Variants in DOCK3 observed in about 807,000 individuals in gnomAD.
The protein encoded by DOCK3 is dedicator of cytokinesis 3.
A neutral mutation model predicts 265.6 loss-of-function variants in DOCK3; 60 were observed. The ratio of observed to expected loss-of-function variants is 0.23; its 90% CI spans 0.18 to 0.28. DOCK3 has a LOEUF of 0.28. Among genes scored for constraint, DOCK3 ranks in the 10% least tolerant of loss-of-function variants. The pLI is 1.00. For synonymous variants in DOCK3, 881 were observed against 938.0 expected, an observed-to-expected ratio of 0.94 and a Z score of 1.11; for missense variants, 1,981 against 2,594.3, an observed-to-expected ratio of 0.76 and a Z score of 5.14.
chr3:51,062,542 C>T (rs1260518663), intron 5 of DOCK3, among the ~76,000 whole-genome samples: 1 of 152,154 alleles, frequency 6.6e-6, no homozygotes, highest in Non-Finnish European at 1.5e-5. Flanking sequence ...GCCAGCCTAC[C>T]CTTGGCCACT....
At chr3:50,934,874 G>A (rs925640716) in intron 5 of DOCK3, among the ~76,000 whole-genome samples, 1 of 152,160 alleles carries the variant, frequency 6.6e-6, no homozygotes, top group Non-Finnish European at 1.5e-5. Flanking sequence ...TTGGGCTCTG[G>A]ACGATATGGA....
chr3:50,827,367 A>C (rs1245126220), intron 2 of DOCK3, among the ~76,000 whole-genome samples: 1 of 152,162 alleles, frequency 6.6e-6, no homozygotes, highest in Non-Finnish European at 1.5e-5. Flanking sequence ...GTAAGAGCAT[A>C]TTTCATGGTT....
At chr3:50,848,257 G>C (rs1257658193) in intron 3 of DOCK3, among the ~76,000 whole-genome samples, 1 of 152,168 alleles carries the variant, frequency 6.6e-6, no homozygotes, top group Non-Finnish European at 1.5e-5. Flanking sequence ...TGTTCAACTT[G>C]CTACTCTTTG....
intron 12 of DOCK3, 107 bp downstream of exon 12, chr3:51,160,809 G>C (rs2086088687): frequency 1.5e-6 from 2 of 1,356,302 alleles, no homozygotes; most frequent in Admixed American, 5.6e-5. Flanking sequence ...CCACGCAGTG[G>C]CTCACGCCTG....
At chr3:50,741,989 T>G (rs1559578603) in intron 1 of DOCK3, among the ~76,000 whole-genome samples, 1 of 152,194 alleles carries the variant, frequency 6.6e-6, no homozygotes, top group African/African-American at 2.4e-5. Context: ...AGATGGTATC[T>G]CATTGTGGTT....
At chr3:51,280,882 A>G (rs543039415) in intron 27 of DOCK3, among the ~76,000 whole-genome samples, 54 of 152,094 alleles carry the variant, frequency 3.6e-4, no homozygotes, top group Non-Finnish European at 6.5e-4. Context: ...TCCAGTCCCT[A>G]CTCCACAAAG....
intron 27 of DOCK3, among the ~76,000 whole-genome samples, chr3:51,299,494 G>A (rs2082267805): frequency 6.6e-6 from 1 of 152,070 alleles, no homozygotes; most frequent in African/African-American, 2.4e-5. Context: ...CTTTGCTGGT[G>A]CCTATGTCCT....
At chr3:51,104,760 G>A (rs931187129) in intron 9 of DOCK3, among the ~76,000 whole-genome samples, 1 of 152,066 alleles carries the variant, frequency 6.6e-6, no homozygotes, top group African/African-American at 2.4e-5. Context: ...ACGTCTAGGA[G>A]GATTTCCCAT....
At chr3:51,080,273 A>G (rs1425162110) in intron 7 of DOCK3, among the ~76,000 whole-genome samples, 1 of 152,212 alleles carries the variant, frequency 6.6e-6, no homozygotes, top group African/African-American at 2.4e-5. Context: ...GCTGAAAATG[A>G]TTTCTCTACT....
At chr3:50,775,589 C>T (rs1056158987) in intron 1 of DOCK3, among the ~76,000 whole-genome samples, 1 of 151,620 alleles carries the variant, frequency 6.6e-6, no homozygotes. Context: ...ATTGACAGGG[C>T]GTTTCTTCTT....
intron 1 of DOCK3, among the ~76,000 whole-genome samples, chr3:50,683,958 C>T (rs1024091126): frequency 7.9e-5 from 12 of 151,376 alleles, no homozygotes; most frequent in South Asian, 2.1e-4. Flanking sequence ...GCCACCATGC[C>T]GGGTCTCTCT....
intron 23 of DOCK3, among the ~76,000 whole-genome samples, chr3:51,265,525 G>A (rs1426069604): frequency 1.3e-5 from 2 of 152,152 alleles, no homozygotes; most frequent in Non-Finnish European, 2.9e-5. Context: ...CTTCATCCCT[G>A]GGATGTAAGG....
chr3:51,325,723 T>C (rs1231636756), intron 32 of DOCK3, among the ~76,000 whole-genome samples: 1 of 152,188 alleles, frequency 6.6e-6, no homozygotes, highest in African/African-American at 2.4e-5. Flanking sequence ...CATGGAATAC[T>C]ATGCAGCCAT....
chr3:50,853,472 G>T (rs2046434248), intron 3 of DOCK3, among the ~76,000 whole-genome samples: 1 of 152,056 alleles, frequency 6.6e-6, no homozygotes, highest in Non-Finnish European at 1.5e-5. Context: ...CCTCCTTCCT[G>T]CTTCTTGGAG....
chr3:51,009,559 A>G (rs2078854716), intron 5 of DOCK3, among the ~76,000 whole-genome samples: 1 of 152,070 alleles, frequency 6.6e-6, no homozygotes, highest in Admixed American at 6.6e-5. Flanking sequence ...TGATCTTTTC[A>G]AAAAACCAGC....
rs148703405 is a variant in DOCK3, at chr3:51,270,919, C to G, written c.2460C>G (p.Pro820=). The change falls in exon 24 of 53, where the codon CCC becomes CCG. Residue 820 remains proline (P), a synonymous_variant. Transcript: ENST00000266037. ...TGAGAGGGACACTGGGGAGCATGCC[C>G]AGCACTGTGCACATTGGGCAGTCAA... ...EFVRGTLGSM[P]STVHIGQSMD... 8 of 1,613,998 alleles carry G rather than the reference C, an allele frequency of 5.0e-6. No individual in the cohort carries two copies. In the African/African-American group the frequency reaches 8.0e-5, roughly 16 times the overall value.
At chr3:50,739,191 C>T (rs2038848376) in intron 1 of DOCK3, among the ~76,000 whole-genome samples, 1 of 152,108 alleles carries the variant, frequency 6.6e-6, no homozygotes, top group Non-Finnish European at 1.5e-5. Context: ...TTTCATTTAC[C>T]TGTTACAGGG....
chr3:50,908,351 T>A (rs949839872), intron 4 of DOCK3, among the ~76,000 whole-genome samples: 1 of 152,128 alleles, frequency 6.6e-6, no homozygotes, highest in African/African-American at 2.4e-5. Context: ...GGCTTTTTGA[T>A]GTGGACATTT....
intron 5 of DOCK3, among the ~76,000 whole-genome samples, chr3:50,937,166 A>C (rs1313635196): frequency 6.6e-6 from 1 of 151,872 alleles, no homozygotes; most frequent in Non-Finnish European, 1.5e-5. Context: ...ATTCCCAGCT[A>C]CATGGGAGGC....
Sources: gnomAD v4.1 joint callset for allele counts (sites outside exome capture counted in the v4.1 genomes callset) on GRCh38, gnomAD v4.1.1 for gene constraint, MANE v1.5 for transcripts, NCBI Gene and HGNC (gene_info 2026-07-23, HGNC 2026-07-21) for gene names.